P4HA1: variants seen among roughly 807,000 people sequenced by gnomAD.
The protein encoded by P4HA1 is prolyl 4-hydroxylase subunit alpha-1.
A neutral mutation model predicts 72.8 loss-of-function variants in P4HA1; 24 were observed. That is an observed-to-expected ratio of 0.33 (90% CI 0.24 to 0.46). The LOEUF (loss-of-function observed/expected upper bound fraction) is 0.46. Among genes scored for constraint, P4HA1 ranks in the 20% least tolerant of loss-of-function variants. P4HA1 has a pLI of 1.00. For synonymous variants in P4HA1, 201 were observed against 218.8 expected (o/e 0.92, Z 0.72); for missense variants, 446 against 640.6 (o/e 0.70, Z 3.28).
In P4HA1 at chr10:73,053,469, A is replaced by G. The variant is rs770948550; in HGVS notation, c.585T>C (p.Asp195=). ...TATCTATGGTAGAAATCTCGCCTTC[A>G]TCCAGTTGCCTTAGGGCTTGTTCCA... is the stretch of plus-strand genomic sequence containing the variant. ...LWMEQALRQL[D]EGEISTIDKV... The change falls in exon 6 of 15, where the codon GAT becomes GAC. Residue 195 remains aspartate, a synonymous_variant. Coordinates refer to ENST00000394890, the MANE Select transcript of P4HA1 (RefSeq NM_001017962.3). 1.9e-6 allele frequency: 3 copies of G among 1,614,192 alleles called. No individual in the cohort carries two copies. The highest frequency in any genetic ancestry group is 2.5e-6 in the Non-Finnish European group (3 of 1,180,012).
At chr10:73,010,842 A>T (rs1839897163) in intron 13 of P4HA1, 127 bp downstream of exon 13, 1 of 670,520 alleles carries the variant, frequency 1.5e-6, no homozygotes, top group Non-Finnish European at 2.6e-6. Flanking sequence ...TGGGCAACAG[A>T]GCGAGAACAG....
intron 10 of P4HA1, among the ~76,000 whole-genome samples, chr10:73,026,402 T>A (rs1431563864): frequency 6.6e-6 from 1 of 152,192 alleles, no homozygotes; most frequent in Non-Finnish European, 1.5e-5. Context: ...TGGCTAGCCA[T>A]ATGTAGAAAG....
At chr10:73,079,699 G>A (rs1458535849) in intron 1 of P4HA1, among the ~76,000 whole-genome samples, 1 of 152,034 alleles carries the variant, frequency 6.6e-6, no homozygotes, top group East Asian at 1.9e-4. Flanking sequence ...CTGAGATCTC[G>A]CCATTGCACT....
intron 1 of P4HA1, among the ~76,000 whole-genome samples, chr10:73,081,326 C>T (rs1280442685): frequency 6.6e-6 from 1 of 151,942 alleles, no homozygotes; most frequent in African/African-American, 2.4e-5. Context: ...CTTGGTGTTG[C>T]AACAGTATGA....
At position 73,047,054 on chromosome 10, in the gene P4HA1, G is replaced by A. The variant is rs780511570; in HGVS notation, c.948C>T (p.Asn316=). 3.7e-6 allele frequency: 6 copies of A among 1,613,780 alleles called. No individual in the cohort carries two copies. The South Asian group carries it at 6.6e-5, about 18-fold the overall frequency. ...KKLFCRYHDG[N]RNPKFILAPA... ...GAGCCAGAATAAATTTAGGATTACG[G>A]TTTCCATCATGGTAGCGGCAAAAGA... The change falls in exon 8 of 15, where the codon AAC becomes AAT. Residue 316 remains asparagine (N), a synonymous_variant. Transcript: ENST00000394890.
intron 6 of P4HA1, among the ~76,000 whole-genome samples, chr10:73,052,216 C>A: frequency 6.6e-6 from 1 of 150,644 alleles, no homozygotes. Flanking sequence ...TAAAGAACCA[C>A]ACACACATAA....
intron 10 of P4HA1, among the ~76,000 whole-genome samples, chr10:73,025,064 G>A (rs963990200): frequency 6.6e-6 from 1 of 152,176 alleles, no homozygotes; most frequent in African/African-American, 2.4e-5. Context: ...ACTAAGAGGA[G>A]CTGGTACCAT....
chr10:73,069,069 T>A, intron 4 of P4HA1, 86 bp from the exon 5 acceptor site: 1 of 1,007,448 alleles, frequency 9.9e-7, no homozygotes, highest in Non-Finnish European at 1.5e-6. Flanking sequence ...GTTCAAAATC[T>A]ATTTTATTAT....
chr10:73,038,861 C>T (rs949993119), intron 9 of P4HA1, among the ~76,000 whole-genome samples: 3 of 110,172 alleles, frequency 2.7e-5, no homozygotes, highest in Admixed American at 8.2e-5. Context: ...CTCCTGACCT[C>T]GTGATCCGCC....
chr10:73,079,614 C>A (rs1465983989), intron 1 of P4HA1, among the ~76,000 whole-genome samples: 1 of 151,916 alleles, frequency 6.6e-6, no homozygotes, highest in African/African-American at 2.4e-5. Flanking sequence ...TGGTGGCAGG[C>A]GCCTATAATC....
intron 5 of P4HA1, among the ~76,000 whole-genome samples, chr10:73,062,160 A>C (rs1355075669): frequency 6.6e-6 from 1 of 152,216 alleles, no homozygotes; most frequent in African/African-American, 2.4e-5. Flanking sequence ...GGAGTAGATA[A>C]ACCAAGAATG....
chr10:73,092,963 T>A (rs1842067017), intron 1 of P4HA1, among the ~76,000 whole-genome samples: 1 of 151,070 alleles, frequency 6.6e-6, no homozygotes, highest in Admixed American at 6.6e-5. Flanking sequence ...TACAAAAAAT[T>A]AAAAAATTAG....
At chr10:73,089,289 A>C (rs1419811097) in intron 1 of P4HA1, among the ~76,000 whole-genome samples, 2 of 152,204 alleles carry the variant, frequency 1.3e-5, no homozygotes, top group Non-Finnish European at 2.9e-5. Flanking sequence ...TTGTATATTG[A>C]CCTTCTAAGC....
At chr10:73,011,757 A>G (rs527879562) in intron 12 of P4HA1, among the ~76,000 whole-genome samples, 162 of 152,308 alleles carry the variant, frequency 1.1e-3, no homozygotes, top group Non-Finnish European at 1.8e-3. Flanking sequence ...GCTACATATT[A>G]TATCAGAGCT....
chr10:73,079,516 T>C (rs890477447), intron 1 of P4HA1, among the ~76,000 whole-genome samples: 3 of 152,060 alleles, frequency 2.0e-5, no homozygotes, highest in Admixed American at 6.6e-5. Context: ...CCAAGGTGGA[T>C]GGATCACCTG....
chr10:73,058,457 T>C (rs1841213080), intron 5 of P4HA1, among the ~76,000 whole-genome samples: 1 of 152,168 alleles, frequency 6.6e-6, no homozygotes, highest in Admixed American at 6.6e-5. Context: ...CGCATAGCAT[T>C]CTTGCCTGTT....
At chr10:73,034,538 TATA>T (rs1238108974) in intron 9 of P4HA1, among the ~76,000 whole-genome samples, 1 of 151,994 alleles carries the variant, frequency 6.6e-6, no homozygotes, top group African/African-American at 2.4e-5. Context: ...AGAAGAATCA[TATA>T]ATATTTGTCA....
At chr10:73,089,628 C>G (rs527857155) in intron 1 of P4HA1, among the ~76,000 whole-genome samples, 24 of 147,874 alleles carry the variant, frequency 1.6e-4, no homozygotes, top group African/African-American at 5.5e-4. Flanking sequence ...AAATAAAATA[C>G]TATTCAACAA....
chr10:73,049,916 C>G (rs977565638), intron 7 of P4HA1, among the ~76,000 whole-genome samples: 1 of 152,146 alleles, frequency 6.6e-6, no homozygotes, highest in African/African-American at 2.4e-5. Context: ...GTAATCCCAG[C>G]ACTTTAGGAG....
Sources: gnomAD v4.1 joint callset for allele counts (sites outside exome capture counted in the v4.1 genomes callset) on GRCh38, gnomAD v4.1.1 for gene constraint, MANE v1.5 for transcripts, NCBI Gene and HGNC (gene_info 2026-07-23, HGNC 2026-07-21) for gene names.